Variants in ZFPM2 observed in about 807,000 individuals in gnomAD.
ZFPM2 encodes zinc finger protein ZFPM2.
ZFPM2 carries 20 observed loss-of-function variants against 98.6 expected under a neutral mutation model. The ratio of observed to expected loss-of-function variants is 0.20; its 90% CI spans 0.14 to 0.29. The LOEUF (loss-of-function observed/expected upper bound fraction) is 0.29. ZFPM2 is among the 10% of genes least tolerant of loss of function. ZFPM2 has a pLI of 1.00. For missense variants in ZFPM2, 1,310 were observed against 1,388.6 expected (o/e 0.94, Z 0.90); for synonymous variants, 518 against 502.7 (o/e 1.03, Z -0.41).
chr8:105,707,505 C>T (rs1446317631), intron 5 of ZFPM2, among the ~76,000 whole-genome samples: 1 of 152,128 alleles, frequency 6.6e-6, no homozygotes, highest in African/African-American at 2.4e-5. Flanking sequence ...ACACAACTTT[C>T]ACCTACAAGC....
At chr8:105,392,440 C>A (rs1811127065) in intron 1 of ZFPM2, among the ~76,000 whole-genome samples, 1 of 152,154 alleles carries the variant, frequency 6.6e-6, no homozygotes. Flanking sequence ...TACATAATCT[C>A]ATGAAGACCA....
At chr8:105,680,515 G>A (rs1328119536) in intron 5 of ZFPM2, among the ~76,000 whole-genome samples, 1 of 152,118 alleles carries the variant, frequency 6.6e-6, no homozygotes. Flanking sequence ...TCCTAATTAT[G>A]TATGTCATTA....
At chr8:105,734,064 G>A (rs1308930289) in intron 5 of ZFPM2, among the ~76,000 whole-genome samples, 1 of 151,854 alleles carries the variant, frequency 6.6e-6, no homozygotes, top group East Asian at 2.0e-4. Flanking sequence ...GCCCTTGACT[G>A]CCAACACTCC....
rs192796438 is a variant in ZFPM2 at position 105,638,784 on chromosome 8, G to A, written c.532+4427G>A. ...TGACTATAAATCTCTCCTTGTCAGC[G>A]TGTCCATCAAATAATTATTATAAAA... On this transcript the variant is annotated intron_variant, in intron 5 of 7. Coordinates refer to ENST00000407775, the MANE Select transcript of ZFPM2 (RefSeq NM_012082.4). 1.3e-3 allele frequency among the ~76,000 whole-genome samples: 197 copies of A among 152,080 alleles called. 1 individual carries two copies. The highest frequency in any genetic ancestry group is 2.5e-3 in the Non-Finnish European group (171 of 67,978).
chr8:105,534,454 C>CTTCCTTCCTCTCTTCCTCCTTTT (rs1563705122), intron 3 of ZFPM2, among the ~76,000 whole-genome samples: 134 of 139,584 alleles, frequency 9.6e-4, no homozygotes, highest in African/African-American at 3.6e-3. Flanking sequence ...TCTCTTCCTT[C>CTTCCTTCCTCTCTTCCTCCTTTT]CTTCCTTCCT....
At chr8:105,599,506 G>T (rs1298518660) in intron 4 of ZFPM2, among the ~76,000 whole-genome samples, 1 of 151,864 alleles carries the variant, frequency 6.6e-6, no homozygotes, top group Non-Finnish European at 1.5e-5. Context: ...AAATCCAGGG[G>T]TTAGAGCACC....
intron 3 of ZFPM2, among the ~76,000 whole-genome samples, chr8:105,460,629 G>A (rs1200553671): frequency 1.3e-5 from 2 of 152,110 alleles, no homozygotes; most frequent in Non-Finnish European, 2.9e-5. Context: ...AAAATGAAAG[G>A]TGTCCACATC....
chr8:105,746,164 T>C (rs1563546661), intron 5 of ZFPM2, among the ~76,000 whole-genome samples: 2 of 151,778 alleles, frequency 1.3e-5, no homozygotes, highest in Admixed American at 1.3e-4. Flanking sequence ...GGTAAATAGG[T>C]GGTCTGTGGC....
chr8:105,576,999 T>C (rs1303234222), intron 4 of ZFPM2, among the ~76,000 whole-genome samples: 1 of 152,168 alleles, frequency 6.6e-6, no homozygotes, highest in African/African-American at 2.4e-5. Flanking sequence ...AGTGGAATAA[T>C]CATTTCCCTT....
intron 5 of ZFPM2, among the ~76,000 whole-genome samples, chr8:105,761,373 T>G (rs552526655): frequency 1.3e-5 from 2 of 152,184 alleles, no homozygotes; most frequent in South Asian, 2.1e-4. Context: ...GAATTAATGA[T>G]GAAAATTATC....
intron 3 of ZFPM2, among the ~76,000 whole-genome samples, chr8:105,489,471 T>A (rs1385262070): frequency 3.1e-4 from 44 of 142,184 alleles, no homozygotes; most frequent in South Asian, 1.7e-3. Flanking sequence ...TATATATTTT[T>A]TTTTTTTTTT....
chr8:105,508,853 A>AAG (rs1813756064), intron 3 of ZFPM2, among the ~76,000 whole-genome samples: 1 of 151,218 alleles, frequency 6.6e-6, no homozygotes, highest in Non-Finnish European at 1.5e-5. Context: ...TTTTTTTGAA[A>AAG]AAAAAAAATT....
intron 3 of ZFPM2, among the ~76,000 whole-genome samples, chr8:105,556,091 A>G (rs1053314755): frequency 6.6e-6 from 1 of 152,180 alleles, no homozygotes. Flanking sequence ...AATGGGTAAC[A>G]TGATGAAAGT....
At chr8:105,333,211 C>A (rs1049361401) in intron 1 of ZFPM2, among the ~76,000 whole-genome samples, 9 of 151,700 alleles carry the variant, frequency 5.9e-5, no homozygotes, top group African/African-American at 1.9e-4. Context: ...CAACCTTAGA[C>A]CTTCTGTGCT....
chr8:105,505,451 A>G (rs1813679703), intron 3 of ZFPM2, among the ~76,000 whole-genome samples: 1 of 152,174 alleles, frequency 6.6e-6, no homozygotes, highest in African/African-American at 2.4e-5. Context: ...CATTCACTAC[A>G]TAGATACAAA....
chr8:105,342,133 A>G lies in ZFPM2; in HGVS notation c.40+23152A>G, dbSNP rs528547455. On this transcript the variant is annotated intron_variant, in intron 1 of 7. Transcript: ENST00000407775. ...CTCTTTGAAGACATCTCTACACTTAATAATGCCTTATTGCTCTCTTTTCAT... is the reference window on the plus strand; with the variant it reads ...CTCTTTGAAGACATCTCTACACTTAGTAATGCCTTATTGCTCTCTTTTCAT... Among the ~76,000 whole-genome samples the G allele has an allele frequency of 1.4e-3, 212 of 152,160 alleles. 5 individuals are homozygous for G. The South Asian group carries it at 0.042, about 30-fold the overall frequency.
At chr8:105,652,807 T>A (rs1241373806) in intron 5 of ZFPM2, among the ~76,000 whole-genome samples, 1 of 152,194 alleles carries the variant, frequency 6.6e-6, no homozygotes. Flanking sequence ...TACATTTCTG[T>A]TCACCTCTCC....
At chr8:105,639,091 TA>T in intron 5 of ZFPM2, among the ~76,000 whole-genome samples, 1 of 152,136 alleles carries the variant, frequency 6.6e-6, no homozygotes, top group East Asian at 1.9e-4. Context: ...ATGCTGAAGT[TA>T]AAAGGAGCTC....
intron 5 of ZFPM2, among the ~76,000 whole-genome samples, chr8:105,722,513 G>T (rs1211310008): frequency 1.3e-5 from 2 of 151,726 alleles, no homozygotes; most frequent in East Asian, 1.9e-4. Flanking sequence ...CCTGACCAAT[G>T]ACATAAATAA....
Sources: gnomAD v4.1 joint callset for allele counts (sites outside exome capture counted in the v4.1 genomes callset) on GRCh38, gnomAD v4.1.1 for gene constraint, MANE v1.5 for transcripts, NCBI Gene and HGNC (gene_info 2026-07-23, HGNC 2026-07-21) for gene names.